Variants in CSMD1 observed in about 807,000 individuals in gnomAD.
The protein encoded by CSMD1 is CUB and Sushi multiple domains 1.
A neutral mutation model predicts 417.5 loss-of-function variants in CSMD1; 213 were observed. The observed-to-expected ratio is 0.51, with a 90% CI of 0.46 to 0.57. The LOEUF is 0.57. CSMD1 is among the 20% of genes least tolerant of loss of function. CSMD1 has a pLI of 0.00. For missense variants in CSMD1, 6,923 were observed against 4,529.7 expected (o/e 1.53, Z -15.17); for synonymous variants, 2,862 against 1,736.8 (o/e 1.65, Z -16.11).
At chr8:4,214,488 G>T (rs957608796) in intron 3 of CSMD1, among the ~76,000 whole-genome samples, 1 of 152,108 alleles carries the variant, frequency 6.6e-6, no homozygotes. Context: ...GGTAGTGAAA[G>T]GGTCTTCCTC....
chr8:3,870,287 A>C (rs994276713), intron 5 of CSMD1, among the ~76,000 whole-genome samples: 1 of 152,184 alleles, frequency 6.6e-6, no homozygotes, highest in Non-Finnish European at 1.5e-5. Context: ...ACATACCAAT[A>C]TTTCCACATT....
rs550179763 is a variant in CSMD1, at chr8:3,754,914, G to C, written c.819-872C>G. On this transcript the variant is annotated intron_variant, in intron 5 of 69. Coordinates refer to ENST00000635120, the MANE Select transcript of CSMD1 (RefSeq NM_033225.6). The stretch of plus-strand genomic sequence containing the variant: ...GGACCATTTATGAGATTGATGACAA[G>C]AACTGCAAAAGAGATTTGAAATGGA... 7.9e-5 allele frequency among the ~76,000 whole-genome samples: 12 copies of C among 152,280 alleles called. No individual in the cohort carries two copies. In the East Asian group the frequency reaches 2.1e-3, roughly 27 times the overall value.
chr8:4,292,552 C>G (rs529514610), intron 3 of CSMD1, among the ~76,000 whole-genome samples: 1 of 152,090 alleles, frequency 6.6e-6, no homozygotes. Flanking sequence ...CCACCGTGCC[C>G]GCCCGAATTT....
chr8:4,297,667 C>A (rs888411192), intron 3 of CSMD1, among the ~76,000 whole-genome samples: 4 of 152,292 alleles, frequency 2.6e-5, no homozygotes, highest in African/African-American at 9.6e-5. Flanking sequence ...ATTTTGACTA[C>A]TTTCTGCTAC....
At chr8:3,569,963 T>G (rs539300948) in intron 10 of CSMD1, among the ~76,000 whole-genome samples, 81 of 152,348 alleles carry the variant, frequency 5.3e-4, no homozygotes, top group South Asian at 3.3e-3. Context: ...AAATTTAATG[T>G]GTTAATTATT....
intron 1 of CSMD1, among the ~76,000 whole-genome samples, chr8:4,835,633 T>G (rs566914118): frequency 6.6e-6 from 1 of 152,180 alleles, no homozygotes; most frequent in Admixed American, 6.5e-5. Flanking sequence ...ATTGCTCAGG[T>G]GATGAAATGA....
chr8:3,019,549 T>C (rs973961252), intron 51 of CSMD1, among the ~76,000 whole-genome samples: 7 of 152,224 alleles, frequency 4.6e-5, no homozygotes, highest in Admixed American at 6.5e-5. Flanking sequence ...GTTGGGCTCA[T>C]GAGCTCTGTA....
intron 39 of CSMD1, among the ~76,000 whole-genome samples, chr8:3,154,987 T>A: frequency 6.6e-6 from 1 of 152,060 alleles, no homozygotes; most frequent in Admixed American, 6.6e-5. Context: ...CATGTGTGAG[T>A]TTTTAAAACA....
intron 49 of CSMD1, among the ~76,000 whole-genome samples, chr8:3,055,787 T>C (rs1162513080): frequency 1.3e-5 from 2 of 152,198 alleles, no homozygotes; most frequent in Non-Finnish European, 2.9e-5. Context: ...TAAATTTTGT[T>C]TGGGAGCACA....
At chr8:3,604,813 G>C (rs1801531958) in intron 8 of CSMD1, among the ~76,000 whole-genome samples, 1 of 152,120 alleles carries the variant, frequency 6.6e-6, no homozygotes, top group Non-Finnish European at 1.5e-5. Flanking sequence ...CAACGTGATA[G>C]CATTTCTCTC....
intron 1 of CSMD1, among the ~76,000 whole-genome samples, chr8:4,805,896 T>C (rs1335730089): frequency 2.0e-5 from 3 of 152,142 alleles, no homozygotes; most frequent in Admixed American, 2.0e-4. Flanking sequence ...CCATTCATGG[T>C]GACTCAAATG....
At chr8:3,620,366 C>A (rs937023885) in intron 7 of CSMD1, among the ~76,000 whole-genome samples, 2 of 151,916 alleles carry the variant, frequency 1.3e-5, no homozygotes, top group Non-Finnish European at 2.9e-5. Context: ...CAGGTAAATA[C>A]ATGAAAATAT....
intron 5 of CSMD1, among the ~76,000 whole-genome samples, chr8:3,820,861 G>C (rs1017634903): frequency 5.9e-5 from 9 of 152,076 alleles, no homozygotes; most frequent in Admixed American, 6.5e-5. Flanking sequence ...TGGGATTATA[G>C]GTCACAATGC....
At chr8:3,170,547 C>T (rs753012777) in intron 37 of CSMD1, among the ~76,000 whole-genome samples, 3 of 152,198 alleles carry the variant, frequency 2.0e-5, no homozygotes, top group Non-Finnish European at 4.4e-5. Flanking sequence ...GTGTGCTTTA[C>T]CCTCCCATAG....
intron 6 of CSMD1, among the ~76,000 whole-genome samples, chr8:3,748,977 A>G (rs990698479): frequency 1.3e-5 from 2 of 152,340 alleles, no homozygotes; most frequent in Middle Eastern, 3.4e-3. Context: ...GTTACAGAAA[A>G]TCAATGGGAA....
rs956888916 is a variant in CSMD1 at position 3,443,793 on chromosome 8, T to C, written c.1561+24919A>G. ...AGTAATTTGATTGGGAGACATGAAG[T>C]GTAAACATGAATGCAAAACCATTTT... On this transcript the variant is annotated intron_variant, in intron 12 of 69. Transcript: ENST00000635120. Among the ~76,000 whole-genome samples, 4 of 152,198 alleles carry C rather than the reference T, an allele frequency of 2.6e-5. No individual in the cohort carries two copies. In the South Asian group the frequency reaches 8.3e-4, roughly 32 times the overall value.
intron 55 of CSMD1, among the ~76,000 whole-genome samples, chr8:2,976,856 T>C (rs1410094443): frequency 2.0e-5 from 3 of 152,218 alleles, no homozygotes; most frequent in Admixed American, 6.5e-5. Context: ...ACTTTGGCTA[T>C]TTGGGTAAAA....
At chr8:4,443,865 T>G (rs1240676790) in intron 2 of CSMD1, among the ~76,000 whole-genome samples, 6 of 152,324 alleles carry the variant, frequency 3.9e-5, no homozygotes, top group African/African-American at 1.4e-4. Flanking sequence ...AGTTGACATG[T>G]GAAAACACTC....
At chr8:3,628,294 G>T (rs141050303) in intron 7 of CSMD1, among the ~76,000 whole-genome samples, 4 of 152,066 alleles carry the variant, frequency 2.6e-5, no homozygotes, top group Admixed American at 6.6e-5. Context: ...CCCAGCAGAG[G>T]TTGCAGCCCA....
Sources: allele counts gnomAD v4.1 joint callset (sites outside exome capture counted in the v4.1 genomes callset), GRCh38; gene constraint gnomAD v4.1.1; transcripts MANE v1.5; gene names NCBI Gene and HGNC (gene_info 2026-07-23, HGNC 2026-07-21).